The following BIRC6 variants were observed in gnomAD, a reference collection of about 807,000 sequenced individuals.
BIRC6 encodes baculoviral IAP repeat containing 6, also known as dual E2 ubiquitin-conjugating enzyme/E3 ubiquitin-protein ligase BIRC6.
A neutral mutation model predicts 503.3 loss-of-function variants in BIRC6; 98 were observed. That is an observed-to-expected ratio of 0.19 (90% CI 0.17 to 0.23). The LOEUF is 0.23. BIRC6 is among the 10% of genes least tolerant of loss of function. BIRC6 has a pLI of 1.00. For synonymous variants in BIRC6, 2,240 were observed against 2,078.7 expected (o/e 1.08, Z -2.11); for missense variants, 5,360 against 5,806.0 (o/e 0.92, Z 2.50).
Position 32,357,519 on chromosome 2 carries a change from C to T in BIRC6, c.325+33C>T, listed in dbSNP as rs1003121893. ...TTCCGCACGCCGGGCGGGCGCGAAG[C>T]CGGGGAAAGAAGCCGTCCAGCCCCG... is the stretch of plus-strand genomic sequence containing the variant. On this transcript the variant is annotated intron_variant, in intron 1 of 73. Coordinates refer to ENST00000421745, the MANE Select transcript of BIRC6 (RefSeq NM_016252.4). The surrounding 1 kb of genome is among the most constrained non-coding windows in gnomAD (Gnocchi z 4.9). 12 of 1,534,880 alleles carry T rather than the reference C, an allele frequency of 7.8e-6. No homozygotes were observed. In the African/African-American group the frequency reaches 1.3e-4, roughly 16 times the overall value.
At chr2:32,443,624 T>A in intron 20 of BIRC6, 36 bp downstream of exon 20, 3 of 1,438,444 alleles carry the variant, frequency 2.1e-6, no homozygotes, top group Non-Finnish European at 2.9e-6. Context: ...ATAGTTATAG[T>A]CATATGGAAC....
Position 32,487,657 on chromosome 2 carries a change from T to C in BIRC6, c.7824T>C (p.Ser2608=). Residue 2608 remains serine (S), a synonymous_variant, in exon 41 of 74, where the codon TCT becomes TCC. Transcript: ENST00000421745. ...GTGTTTAATTTTCAGTATCACAGTC[T>C]CCCACTGGAACAGATGATTCACTTC... ...LTNTSPTLSQ[S]PTGTDDSLLG... The C allele has an allele frequency of 6.2e-7, 1 of 1,613,374 alleles. No individual in the cohort carries two copies. Among genetic ancestry groups the C allele is most frequent in the Non-Finnish European group, 8.5e-7 (1 of 1,179,538 alleles).
At chr2:32,516,372 C>T (rs560228399) in intron 55 of BIRC6, among the ~76,000 whole-genome samples, 3 of 151,576 alleles carry the variant, frequency 2.0e-5, no homozygotes, top group East Asian at 1.9e-4. Flanking sequence ...AAAAATTAGC[C>T]GAGTGTGGTG....
At position 32,549,373 on chromosome 2, in the gene BIRC6, C is replaced by G; in HGVS notation, c.13036C>G (p.His4346Asp). 16 of 1,509,486 alleles carry G rather than the reference C, an allele frequency of 1.1e-5. No homozygotes were observed. The highest frequency in any genetic ancestry group is 1.4e-5 in the African/African-American group (1 of 73,738). 93.5% of individuals were successfully genotyped at this position (1,509,486 alleles called of 1,614,324 possible). A position where few individuals can be genotyped will look rare whatever the true frequency, so the allele number is the denominator to read the frequency against. The change falls in exon 65 of 74, where the codon CAT becomes GAT. Residue 4346 changes from histidine to aspartate, a missense_variant. Coordinates refer to ENST00000421745, the MANE Select transcript of BIRC6 (RefSeq NM_016252.4). ...SAVNGEAQSS[H>D]ETRGQNSNAL... ...GGTAAATGGAGAAGCTCAGTCATCT[C>G]ATGAGACTAGAGGGCAGAACAGTAA...
rs758723400 is a variant in BIRC6, at chr2:32,501,873, A to C, written c.9192A>C (p.Gly3064=). 6.2e-7 allele frequency: 1 copy of C among 1,606,886 alleles called. No homozygotes were observed. Among genetic ancestry groups the C allele is most frequent in the East Asian group, 2.2e-5 (1 of 44,842 alleles). The change falls in exon 47 of 74, where the codon GGA becomes GGC. Residue 3064 remains glycine (G), a synonymous_variant. Transcript: ENST00000421745. ...CAATTTTAACATACATGGCCTGTGG[A>C]TATATGGGCAGACAAGTAAGTTCAA... ...LQPILTYMAC[G]YMGRQGSLAT... is the part of the protein sequence containing the mutation.
intron 61 of BIRC6, chr2:32,532,340 C>G (rs1050252658): frequency 6.7e-6 from 3 of 444,538 alleles, no homozygotes; most frequent in Non-Finnish European, 1.4e-5. Flanking sequence ...TGAATTCAGG[C>G]TGTAGGGAAG....
At chr2:32,546,463 C>T (rs901873648) in intron 63 of BIRC6, among the ~76,000 whole-genome samples, 1 of 151,808 alleles carries the variant, frequency 6.6e-6, no homozygotes, top group African/African-American at 2.4e-5. Flanking sequence ...GCCTGTAATC[C>T]CAGCTACTCG....
intron 61 of BIRC6, among the ~76,000 whole-genome samples, chr2:32,533,325 G>T (rs2056932693): frequency 6.6e-6 from 1 of 152,218 alleles, no homozygotes; most frequent in African/African-American, 2.4e-5. Flanking sequence ...TAATGAACAT[G>T]TAATGAACTT....
chr2:32,508,395 A>T, intron 51 of BIRC6, 136 bp downstream of exon 51: 3 of 1,169,948 alleles, frequency 2.6e-6, no homozygotes, highest in Non-Finnish European at 2.3e-6. Context: ...TATCTGTATA[A>T]TACAATTTTA....
Position 32,357,031 on chromosome 2 carries a change from C to T in BIRC6, c.-131C>T, listed in dbSNP as rs2033153293. ...CGCGCCCCGGGCCCCGCCTCCCTCC[C>T]TGCTTCTCCCCCTCTCCCGTCAGCC... On this transcript the variant is annotated 5_prime_UTR_variant, in exon 1 of 74. Coordinates refer to ENST00000421745, the MANE Select transcript of BIRC6 (RefSeq NM_016252.4). This position sits in a 1 kb window ranked among gnomAD's most constrained non-coding sequence, Gnocchi z 4.9. The T allele has an allele frequency of 1.2e-6, 1 of 835,904 alleles. No homozygotes were observed. The highest frequency in any genetic ancestry group is 1.7e-6 in the Non-Finnish European group (1 of 582,346). The allele number at this position is 835,904 out of a possible 1,614,324, so 51.8% of individuals were successfully genotyped here.
intron 1 of BIRC6, among the ~76,000 whole-genome samples, chr2:32,360,183 T>C (rs1361649419): frequency 2.0e-5 from 3 of 152,202 alleles, no homozygotes; most frequent in South Asian, 2.1e-4. Flanking sequence ...ATAGGTCTTA[T>C]GGACGCCTGG....
At chr2:32,454,283 T>C (rs1017883933) in intron 23 of BIRC6, among the ~76,000 whole-genome samples, 1 of 152,122 alleles carries the variant, frequency 6.6e-6, no homozygotes, top group African/African-American at 2.4e-5. Context: ...CTGAATGATG[T>C]TTTTGAGAAG....
chr2:32,464,591 C>T lies in BIRC6; in HGVS notation c.5024C>T (p.Ser1675Phe), dbSNP rs931323040. 1.2e-6 allele frequency: 2 copies of T among 1,612,856 alleles called. No individual in the cohort carries two copies. Among genetic ancestry groups the T allele is most frequent in the Non-Finnish European group, 1.7e-6 (2 of 1,179,230 alleles). Reference protein sequence around the residue: ...AASAVGPVHNSVPSNPVAAPG... With the variant: ...AASAVGPVHNFVPSNPVAAPG... ...TCAGCAGTAGGTCCTGTTCACAACTCTGTGCCTTCCAACCCAGTGGCTGCC... is the reference window on the plus strand; with the variant it reads ...TCAGCAGTAGGTCCTGTTCACAACTTTGTGCCTTCCAACCCAGTGGCTGCC... Residue 1675 changes from serine to phenylalanine, a missense_variant, in exon 25 of 74, where the codon TCT (serine) becomes TTT (phenylalanine). This residue lies in a region of BIRC6 where 2,299 missense variants were observed against 2,267.2 expected (regional missense o/e 1.01). Transcript: ENST00000421745.
At chr2:32,515,904 A>G (rs971293386) in intron 55 of BIRC6, 134 bp downstream of exon 55, 3 of 795,438 alleles carry the variant, frequency 3.8e-6, no homozygotes, top group South Asian at 1.9e-5. Context: ...TAAAGTACTG[A>G]TATCTCCTTT....
chr2:32,492,563 A>G (rs1039417874), intron 44 of BIRC6, among the ~76,000 whole-genome samples: 1 of 152,094 alleles, frequency 6.6e-6, no homozygotes, highest in Non-Finnish European at 1.5e-5. Context: ...ATTGTTTTAC[A>G]TGTAAGAAAA....
chr2:32,524,055 AAAG>A (rs2056029741), intron 57 of BIRC6, among the ~76,000 whole-genome samples: 1 of 152,160 alleles, frequency 6.6e-6, no homozygotes, highest in Admixed American at 6.5e-5. Flanking sequence ...AAAAAAAAAA[AAAG>A]AGAATTGGAG....
chr2:32,505,393 A>G (rs1413239158), intron 50 of BIRC6, 188 bp downstream of exon 50: 1 of 562,448 alleles, frequency 1.8e-6, no homozygotes, highest in East Asian at 2.9e-5. Flanking sequence ...TTAACCTCAG[A>G]CAAAAAGATT....
At chr2:32,514,082 G>T (rs936345196) in intron 54 of BIRC6, among the ~76,000 whole-genome samples, 23 of 152,050 alleles carry the variant, frequency 1.5e-4, no homozygotes, top group African/African-American at 5.6e-4. Flanking sequence ...TAACTTTGGG[G>T]AGCTGAGATG....
chr2:32,409,947 G>GGCTCATGTCTATAATCCGAGCA, intron 9 of BIRC6, among the ~76,000 whole-genome samples: 1 of 152,162 alleles, frequency 6.6e-6, no homozygotes, highest in African/African-American at 2.4e-5. Flanking sequence ...AGTTTATGCT[G>GGCTCATGTCTATAATCCGAGCA]CTTCCCACAT....
Sources: gnomAD v4.1 joint callset for allele counts (sites outside exome capture counted in the v4.1 genomes callset) on GRCh38, gnomAD v4.1.1 for gene constraint, gnomAD v4.1.1 regional missense constraint, Gnocchi (gnomAD v3.1) non-coding constraint, MANE v1.5 for transcripts, NCBI Gene and HGNC (gene_info 2026-07-23, HGNC 2026-07-21) for gene names.